The following ELAC1 variants were observed in gnomAD, a reference collection of about 807,000 sequenced individuals.
ELAC1 encodes elaC ribonuclease Z 1, also known as zinc phosphodiesterase ELAC protein 1.
ELAC1 carries 19 observed loss-of-function variants against 25.8 expected under a neutral mutation model. The ratio of observed to expected loss-of-function variants is 0.74; its 90% CI spans 0.51 to 1.08. The LOEUF is 1.08. Among genes scored for constraint, ELAC1 ranks in the 50% least tolerant of loss-of-function variants. The pLI is 0.00. For synonymous variants in ELAC1, 148 were observed against 160.9 expected, an observed-to-expected ratio of 0.92 and a Z score of 0.61; for missense variants, 403 against 434.6, an observed-to-expected ratio of 0.93 and a Z score of 0.65.
chr18:50,987,188 T>G lies in ELAC1; in HGVS notation c.*103T>G. On this transcript the variant is annotated 3_prime_UTR_variant, in exon 4 of 4. Coordinates refer to ENST00000269466, the MANE Select transcript of ELAC1 (RefSeq NM_018696.3). Reference sequence around the variant, plus strand: ...TTTTAGTCTGAAATTATTTGGGCCCTAATAATCCTAAAAAGAATGGAGCTG... The same window carrying G: ...TTTTAGTCTGAAATTATTTGGGCCCGAATAATCCTAAAAAGAATGGAGCTG... 755 of 724,034 alleles carry G rather than the reference T, an allele frequency of 1.0e-3. No homozygotes were observed. Among genetic ancestry groups the G allele is most frequent in the Non-Finnish European group, 1.4e-3 (686 of 482,850 alleles). 44.9% of individuals were successfully genotyped at this position (724,034 alleles called of 1,614,324 possible). A position where few individuals can be genotyped will look rare whatever the true frequency, so the allele number is the denominator to read the frequency against.
chr18:50,982,817 C>T (rs531481180), intron 2 of ELAC1, among the ~76,000 whole-genome samples: 2 of 152,242 alleles, frequency 1.3e-5, no homozygotes, highest in African/African-American at 4.8e-5. Context: ...TCATCTTTTT[C>T]CCTCTCCTAC....
At position 50,987,155 on chromosome 18, in the gene ELAC1, A is replaced by G. The variant is rs1309190969; in HGVS notation, c.*70A>G. 12 of 1,158,196 alleles carry G rather than the reference A, an allele frequency of 1.0e-5. No homozygotes were observed. Among genetic ancestry groups the G allele is most frequent in the African/African-American group, 1.5e-5 (1 of 64,952 alleles). The allele number at this position is 1,158,196 out of a possible 1,614,324, so 71.7% of individuals were successfully genotyped here. ...ACTGAACCTATAGTCCAGTTTTTTT[A>G]TTTCTTGTTTTAGTCTGAAATTATT... On this transcript the variant is annotated 3_prime_UTR_variant, in exon 4 of 4. Coordinates refer to ENST00000269466, the MANE Select transcript of ELAC1 (RefSeq NM_018696.3).
intron 2 of ELAC1, among the ~76,000 whole-genome samples, chr18:50,982,476 T>C (rs1434928080): frequency 6.6e-6 from 1 of 152,194 alleles, no homozygotes; most frequent in African/African-American, 2.4e-5. Context: ...TTCTGTACTT[T>C]TATAGCATCA....
intron 2 of ELAC1, among the ~76,000 whole-genome samples, chr18:50,982,693 G>T (rs1490800777): frequency 1.3e-5 from 2 of 152,236 alleles, no homozygotes; most frequent in Non-Finnish European, 2.9e-5. Flanking sequence ...TGAAAAAGCT[G>T]TTGTGTTAGT....
At chr18:50,968,449 G>A (rs1360376858) in intron 1 of ELAC1, 2 of 152,398 alleles carry the variant, frequency 1.3e-5, no homozygotes, top group African/African-American at 4.8e-5. Context: ...ATGGAGGACA[G>A]CGATATCTGC....
Position 50,986,870 on chromosome 18 carries a change from A to T in ELAC1, c.877A>T (p.Thr293Ser), listed in dbSNP as rs777442836. ...CAAAGCAAAGGAGCATGGCCACAGC[A>T]CACCACAGATGGCAGCAACATTTGC... Reference protein sequence around the residue: ...MDKAKEHGHSTPQMAATFAKL... With the variant: ...MDKAKEHGHSSPQMAATFAKL... Residue 293 changes from threonine (T) to serine (S), a missense_variant, in exon 4 of 4, where the codon ACA becomes TCA. Physicochemically the swap from Thr to Ser is moderately conservative, Grantham distance 58. Transcript: ENST00000269466. The T allele has an allele frequency of 1.3e-5, 21 of 1,614,038 alleles. No individual in the cohort carries two copies. The highest frequency in any genetic ancestry group is 1.2e-4 in the Admixed American group (7 of 59,986).
intron 2 of ELAC1, among the ~76,000 whole-genome samples, chr18:50,977,680 AC>A (rs1907830374): frequency 6.6e-6 from 1 of 152,178 alleles, no homozygotes; most frequent in Non-Finnish European, 1.5e-5. Flanking sequence ...CTCATTACTT[AC>A]ACAAATTTCT....
chr18:50,979,281 G>C (rs552539894), intron 2 of ELAC1, among the ~76,000 whole-genome samples: 1 of 152,264 alleles, frequency 6.6e-6, no homozygotes, highest in South Asian at 2.1e-4. Flanking sequence ...GGTTTAGCTA[G>C]GTTTTCTGCT....
chr18:50,986,621 G>A lies in ELAC1; in HGVS notation c.628G>A (p.Val210Ile), dbSNP rs907143744. ...ATGTTATCTGCCTTCATCATTAGGT[G>A]TTCCACCAGGTCCTGCCTATGGGAA... ...LNAQKLKDLG[V>I]PPGPAYGKLK... The change falls in exon 4 of 4, where the codon GTT becomes ATT. Residue 210 changes from valine to isoleucine, a missense_variant and splice_region_variant. Transcript: ENST00000269466. 4.4e-6 allele frequency: 7 copies of A among 1,603,404 alleles called. No homozygotes were observed. The highest frequency in any genetic ancestry group is 1.3e-5 in the African/African-American group (1 of 74,596).
At chr18:50,971,910 G>GTGTA (rs1394449304) in intron 1 of ELAC1, among the ~76,000 whole-genome samples, 1 of 64,188 alleles carries the variant, frequency 1.6e-5, no homozygotes, top group Non-Finnish European at 3.5e-5. Context: ...GTGTGTGTGT[G>GTGTA]TGTATATATA....
At position 50,984,413 on chromosome 18, in the gene ELAC1, G is replaced by T; in HGVS notation, c.475G>T (p.Asp159Tyr). 6.2e-7 allele frequency: 1 copy of T among 1,614,150 alleles called. No homozygotes were observed. Among genetic ancestry groups the T allele is most frequent in the South Asian group, 1.1e-5 (1 of 91,060 alleles). ...GGAACAAGGAAGAACTATCCTGTTA[G>T]ACTCAGAAGAAAACTCATACCTTCT... is the stretch of plus-strand genomic sequence containing the variant. ...KEEQGRTILL[D>Y]SEENSYLLFD... Residue 159 changes from aspartate to tyrosine, a missense_variant, in exon 3 of 4, where the codon GAC becomes TAC. Asp to Tyr is a radical substitution (Grantham distance 160). Transcript: ENST00000269466.
At chr18:50,974,363 A>G in intron 1 of ELAC1, 34 bp from the exon 2 acceptor site, 1 of 1,500,098 alleles carries the variant, frequency 6.7e-7, no homozygotes, top group Non-Finnish European at 8.9e-7. Context: ...GTACAGTGAT[A>G]TGAAATAATC....
rs1908132871 is a variant in ELAC1, at chr18:50,987,103, G to A, written c.*18G>A. Reference sequence around the variant, plus strand: ...AGAAATGAAACCAGTGTTCCTGAGTGCACACTGACATGTCTGTGAATATGT... The same window carrying A: ...AGAAATGAAACCAGTGTTCCTGAGTACACACTGACATGTCTGTGAATATGT... On this transcript the variant is annotated 3_prime_UTR_variant, in exon 4 of 4. Transcript: ENST00000269466. 6.8e-7 allele frequency: 1 copy of A among 1,479,050 alleles called. No homozygotes were observed. The highest frequency in any genetic ancestry group is 9.1e-7 in the Non-Finnish European group (1 of 1,099,672). 91.6% of individuals were successfully genotyped at this position (1,479,050 alleles called of 1,614,324 possible).
At chr18:50,984,071 C>T (rs764103260) in intron 2 of ELAC1, 25 bp from the exon 3 acceptor site, 21 of 1,488,876 alleles carry the variant, frequency 1.4e-5, no homozygotes, top group East Asian at 1.4e-4. Context: ...AATTTCCAAA[C>T]GTATTTCTCT....
intron 2 of ELAC1, among the ~76,000 whole-genome samples, chr18:50,980,910 C>T (rs1228110630): frequency 6.6e-6 from 1 of 152,060 alleles, no homozygotes; most frequent in African/African-American, 2.4e-5. Flanking sequence ...ACTAATTTCT[C>T]TCCATAACCT....
chr18:50,974,670 C>A, intron 2 of ELAC1, 109 bp downstream of exon 2: 2 of 1,028,214 alleles, frequency 1.9e-6, no homozygotes, highest in Non-Finnish European at 2.9e-6. Context: ...TTGCATCCCA[C>A]TTCAGTGCTA....
Position 50,986,798 on chromosome 18 carries a change from G to A in ELAC1, c.805G>A (p.Ala269Thr), listed in dbSNP as rs1908119098. The stretch of plus-strand genomic sequence containing the variant: ...TGGAGGAGTAAAACTGTGCTTTGAA[G>A]CAGACCTGTTGATCCACGAAGCAAC... ...GDGGVKLCFE[A>T]DLLIHEATLD... is the part of the protein sequence containing the mutation. Residue 269 changes from alanine (A) to threonine (T), a missense_variant, in exon 4 of 4, where the codon GCA becomes ACA. Physicochemically the swap from Ala to Thr is moderately conservative, Grantham distance 58. Coordinates refer to ENST00000269466, the MANE Select transcript of ELAC1 (RefSeq NM_018696.3). 3 of 1,614,176 alleles carry A rather than the reference G, an allele frequency of 1.9e-6. No individual in the cohort carries two copies. Among genetic ancestry groups the A allele is most frequent in the Non-Finnish European group, 2.5e-6 (3 of 1,180,032 alleles).
chr18:50,974,570 G>T lies in ELAC1; in HGVS notation c.157+9G>T. On this transcript the variant is annotated intron_variant, in intron 2 of 3. Transcript: ENST00000269466. ...AAGCCAACTTAAAGCAGGTTAGTGTGCCTTCAGCTATCTCATTAAGATTTT... is the reference window on the plus strand; with the variant it reads ...AAGCCAACTTAAAGCAGGTTAGTGTTCCTTCAGCTATCTCATTAAGATTTT... 6.2e-7 allele frequency: 1 copy of T among 1,613,302 alleles called. No individual in the cohort carries two copies. Among genetic ancestry groups the T allele is most frequent in the Non-Finnish European group, 8.5e-7 (1 of 1,179,548 alleles).
At chr18:50,969,776 G>A (rs1907598093) in intron 1 of ELAC1, 1 of 152,224 alleles carries the variant, frequency 6.6e-6, no homozygotes, top group African/African-American at 2.4e-5. Context: ...AGTTGTTGAA[G>A]TTCAATGATG....
Sources: gnomAD v4.1 joint callset for allele counts (sites outside exome capture counted in the v4.1 genomes callset) on GRCh38, gnomAD v4.1.1 for gene constraint, MANE v1.5 for transcripts, NCBI Gene and HGNC (gene_info 2026-07-23, HGNC 2026-07-21) for gene names.